The following ZBTB20 variants were observed in gnomAD, a reference collection of about 807,000 sequenced individuals.
ZBTB20 encodes zinc finger and BTB domain-containing protein 20.
ZBTB20 carries 9 observed loss-of-function variants against 56.9 expected under a neutral mutation model. The ratio of observed to expected loss-of-function variants is 0.16; its 90% CI spans 0.10 to 0.28. The LOEUF (loss-of-function observed/expected upper bound fraction) is 0.28, where lower values mean the gene tolerates loss of function less well. ZBTB20 is among the 10% of genes least tolerant of loss of function. The pLI, the probability that ZBTB20 is intolerant of heterozygous loss-of-function variation, is 1.00. For synonymous variants in ZBTB20, 417 were observed against 420.7 expected, an observed-to-expected ratio of 0.99 and a Z score of 0.11; for missense variants, 655 against 1,003.0, an observed-to-expected ratio of 0.65 and a Z score of 4.69.
intron 2 of ZBTB20, among the ~76,000 whole-genome samples, chr3:115,029,135 A>G (rs2080556199): frequency 6.6e-6 from 1 of 150,716 alleles, no homozygotes; most frequent in Admixed American, 6.6e-5. Context: ...ATCTCTTATT[A>G]CCAATGATAA....
intron 3 of ZBTB20, among the ~76,000 whole-genome samples, chr3:114,971,568 A>C (rs576970446): frequency 6.6e-6 from 1 of 152,336 alleles, no homozygotes; most frequent in African/African-American, 2.4e-5. Flanking sequence ...AAACTGACGA[A>C]AGGATGAACA....
At chr3:114,526,321 A>G (rs1236439646) in intron 6 of ZBTB20, among the ~76,000 whole-genome samples, 2 of 152,214 alleles carry the variant, frequency 1.3e-5, no homozygotes, top group African/African-American at 4.8e-5. Flanking sequence ...TTCAAATAAC[A>G]TCTGAAGATG....
intron 5 of ZBTB20, among the ~76,000 whole-genome samples, chr3:114,763,096 A>T (rs574198588): frequency 1.3e-5 from 2 of 152,326 alleles, no homozygotes; most frequent in South Asian, 4.1e-4. Flanking sequence ...ATGAAGGAAT[A>T]AAAAGGTGAC....
chr3:115,046,602 T>C (rs1354043976), intron 2 of ZBTB20, among the ~76,000 whole-genome samples: 6 of 152,216 alleles, frequency 3.9e-5, no homozygotes, highest in Admixed American at 2.6e-4. Flanking sequence ...ATAAGACTAC[T>C]TGAAATTATA....
intron 6 of ZBTB20, among the ~76,000 whole-genome samples, chr3:114,590,265 G>A (rs1577801377): frequency 6.6e-6 from 1 of 151,960 alleles, no homozygotes; most frequent in African/African-American, 2.4e-5. Context: ...GACCAAGAAC[G>A]GCCAACATGG....
intron 3 of ZBTB20, among the ~76,000 whole-genome samples, chr3:114,938,918 T>C (rs1331946361): frequency 6.9e-6 from 1 of 145,476 alleles, no homozygotes; most frequent in African/African-American, 2.8e-5. Flanking sequence ...AAAAAGAAAG[T>C]CTCAGCCATG....
rs1049069062 is a variant in ZBTB20 at position 114,323,173 on chromosome 3, T to C, written c.*15832A>G. ...TTACTTCTAAGATTAAAAAAGATAA[T>C]AAAAATAAATTTAACAAAGAAAAGT... On this transcript the variant is annotated 3_prime_UTR_variant, in exon 12 of 12. Transcript: ENST00000675478. 7 of 152,158 alleles carry C rather than the reference T, an allele frequency of 4.6e-5. No homozygotes were observed. The highest frequency in any genetic ancestry group is 1.5e-5 in the Non-Finnish European group (1 of 68,014). The allele number at this position is 152,158 out of a possible 1,614,324, so 9.4% of individuals were successfully genotyped here. A position where few individuals can be genotyped will look rare whatever the true frequency, so the allele number is the denominator to read the frequency against.
At chr3:114,848,743 T>G (rs1454980382) in intron 4 of ZBTB20, among the ~76,000 whole-genome samples, 1 of 152,250 alleles carries the variant, frequency 6.6e-6, no homozygotes, top group Non-Finnish European at 1.5e-5. Context: ...TATGCTGTCC[T>G]GCACGCTTTG....
At chr3:114,414,399 A>G (rs2088297698) in intron 7 of ZBTB20, among the ~76,000 whole-genome samples, 1 of 152,126 alleles carries the variant, frequency 6.6e-6, no homozygotes, top group Non-Finnish European at 1.5e-5. Context: ...GATGAGGAGA[A>G]GAAACATTAG....
In ZBTB20 at chr3:114,339,985, A is replaced by G. The variant is rs2079637212; in HGVS notation, c.1805-559T>C. Among the ~76,000 whole-genome samples the G allele has an allele frequency of 1.3e-5, 2 of 152,220 alleles. No individual in the cohort carries two copies. Among genetic ancestry groups the G allele is most frequent in the African/African-American group, 4.8e-5 (2 of 41,458 alleles). On this transcript the variant is annotated intron_variant, in intron 11 of 11. Coordinates refer to ENST00000675478, the MANE Select transcript of ZBTB20 (RefSeq NM_001348800.3). The surrounding 1 kb of genome is among the most constrained non-coding windows in gnomAD (Gnocchi z 4.2). ...ATTGTGAGTTTGGAAAATATTTGCC[A>G]ACACAGGAATACGTTATTTTGAAGA...
chr3:114,816,285 TG>T (rs1445893943), intron 4 of ZBTB20, among the ~76,000 whole-genome samples: 3 of 152,204 alleles, frequency 2.0e-5, no homozygotes, highest in Non-Finnish European at 4.4e-5. Flanking sequence ...GGAAGTATGC[TG>T]GGTGCAATTT....
At chr3:114,509,476 G>A (rs1422283727) in intron 6 of ZBTB20, among the ~76,000 whole-genome samples, 1 of 151,332 alleles carries the variant, frequency 6.6e-6, no homozygotes, top group Non-Finnish European at 1.5e-5. Context: ...TAGATGCTTC[G>A]AGTTTTCCAA....
At chr3:114,741,632 C>T (rs895246251) in intron 5 of ZBTB20, among the ~76,000 whole-genome samples, 4 of 151,488 alleles carry the variant, frequency 2.6e-5, no homozygotes, top group Admixed American at 6.6e-5. Context: ...CCCAGCATTT[C>T]GAGAGGCTGA....
chr3:114,350,214 T>G, intron 11 of ZBTB20, 60 bp downstream of exon 11: 2 of 1,539,076 alleles, frequency 1.3e-6, no homozygotes, highest in Non-Finnish European at 8.8e-7. Flanking sequence ...CTCTCTTACC[T>G]TGCCTTCCCA....
At chr3:115,023,419 G>C (rs2080286888) in intron 2 of ZBTB20, among the ~76,000 whole-genome samples, 1 of 150,654 alleles carries the variant, frequency 6.6e-6, no homozygotes, top group Non-Finnish European at 1.5e-5. Context: ...TGTGCCCCAT[G>C]TGTTCTTTCT....
intron 4 of ZBTB20, among the ~76,000 whole-genome samples, chr3:114,844,539 A>AAAAC (rs2074578339): frequency 7.0e-6 from 1 of 142,098 alleles, no homozygotes; most frequent in African/African-American, 2.6e-5. Context: ...AAAAAAAAAA[A>AAAAC]AAAAAAAAAA....
Position 115,139,921 on chromosome 3 carries a change from T to A in ZBTB20, c.-703+7298A>T, listed in dbSNP as rs755114310. On this transcript the variant is annotated intron_variant, in intron 1 of 11. Transcript: ENST00000675478. ...ATAAGTACTTAATATCATATATCTA[T>A]ACTTTACTAGTGTGCTATGTTAGAA... 4.9e-4 allele frequency among the ~76,000 whole-genome samples: 75 copies of A among 152,070 alleles called. 1 individual carries two copies. Among genetic ancestry groups the A allele is most frequent in the Non-Finnish European group, 6.2e-4 (42 of 67,918 alleles).
intron 1 of ZBTB20, among the ~76,000 whole-genome samples, chr3:115,093,159 TATTG>T: frequency 6.6e-6 from 1 of 152,288 alleles, no homozygotes; most frequent in African/African-American, 2.4e-5. Flanking sequence ...TCCTTTTTGA[TATTG>T]ATTAATACCT....
At chr3:115,085,269 G>A (rs150387558) in intron 1 of ZBTB20, among the ~76,000 whole-genome samples, 178 of 152,012 alleles carry the variant, frequency 1.2e-3, no homozygotes, top group African/African-American at 4.1e-3. Context: ...CACTAATTGC[G>A]TGGCCTAACA....
Sources: allele counts gnomAD v4.1 joint callset (sites outside exome capture counted in the v4.1 genomes callset), GRCh38; gene constraint gnomAD v4.1.1; non-coding constraint Gnocchi (gnomAD v3.1); transcripts MANE v1.5; gene names NCBI Gene and HGNC (gene_info 2026-07-23, HGNC 2026-07-21).